The following LRRC7 variants were observed in gnomAD, a reference collection of about 807,000 sequenced individuals.
LRRC7 encodes the protein leucine rich repeat containing 7.
LRRC7 carries 23 observed loss-of-function variants against 175.7 expected under a neutral mutation model. That is an observed-to-expected ratio of 0.13 (90% confidence interval 0.09 to 0.19). The LOEUF (loss-of-function observed/expected upper bound fraction) is 0.19. Among genes scored for constraint, LRRC7 ranks in the 10% least tolerant of loss-of-function variants. LRRC7 has a pLI of 1.00. For missense variants in LRRC7, 1,354 were observed against 1,904.7 expected (o/e 0.71, Z 5.38); for synonymous variants, 685 against 680.9 (o/e 1.01, Z -0.09).
At chr1:69,728,280 G>T (rs919721293) in intron 2 of LRRC7, among the ~76,000 whole-genome samples, 2 of 152,086 alleles carry the variant, frequency 1.3e-5, no homozygotes, top group Non-Finnish European at 2.9e-5. Flanking sequence ...TCTTTACTTA[G>T]ATCTAACTAG....
chr1:70,027,972 G>A (rs914733180), intron 17 of LRRC7, among the ~76,000 whole-genome samples, 199 bp from the exon 18 acceptor site: 1 of 152,056 alleles, frequency 6.6e-6, no homozygotes, highest in Non-Finnish European at 1.5e-5. Context: ...TTATAATCTA[G>A]AAGGGTGGGA....
Position 69,860,268 on chromosome 1 carries a change from A to T in LRRC7, c.647+21985A>T, listed in dbSNP as rs1386878081. Among the ~76,000 whole-genome samples the T allele has an allele frequency of 2.6e-5, 4 of 151,820 alleles. No individual in the cohort carries two copies. In the East Asian group the frequency reaches 7.7e-4, roughly 29 times the overall value. ...GAATCTCTTCACCTCATCATTTCTC[A>T]GTGCTTTATACCTGCCAGATACTAA... On this transcript the variant is annotated intron_variant, in intron 7 of 26. Transcript: ENST00000651989.
At chr1:69,836,211 A>G (rs184941376) in intron 6 of LRRC7, among the ~76,000 whole-genome samples, 21 of 152,082 alleles carry the variant, frequency 1.4e-4, no homozygotes, top group African/African-American at 4.8e-4. Flanking sequence ...GAGCACATCA[A>G]CCTTTCCCAG....
chr1:69,813,081 A>T (rs6697066), intron 4 of LRRC7, among the ~76,000 whole-genome samples: 67,279 of 151,786 alleles, frequency 0.44, 15,674 homozygotes, highest in African/African-American at 0.57. Flanking sequence ...CTATCTTCAA[A>T]CATCTTTTAC....
intron 9 of LRRC7, 37 bp downstream of exon 9, chr1:69,980,490 T>C: frequency 7.0e-7 from 1 of 1,423,802 alleles, no homozygotes. Context: ...TGTTTAATAT[T>C]TGTTATACGT....
intron 2 of LRRC7, among the ~76,000 whole-genome samples, chr1:69,745,338 T>C (rs1464457684): frequency 6.6e-6 from 1 of 152,014 alleles, no homozygotes; most frequent in Non-Finnish European, 1.5e-5. Context: ...ACCTACCATC[T>C]GTTGGCACTG....
intron 2 of LRRC7, among the ~76,000 whole-genome samples, chr1:69,756,123 A>T (rs1670399812): frequency 6.6e-6 from 1 of 151,970 alleles, no homozygotes. Context: ...GATTCAGGGA[A>T]CAACATACAA....
chr1:70,039,241 C>T lies in LRRC7; in HGVS notation c.3417C>T (p.Ala1139=), dbSNP rs1178390964. Residue 1139 remains alanine (A), a synonymous_variant, in exon 21 of 27, where the codon GCC becomes GCT. Transcript: ENST00000651989. ...TGAATGAGGATGCTGTGGTGAATGC[C>T]CAGTTCGCAAGCCAAGGGGCCAGGG... ...PSVNEDAVVN[A]QFASQGARAG... The T allele has an allele frequency of 2.3e-5, 37 of 1,613,416 alleles. No individual in the cohort carries two copies. The highest frequency in any genetic ancestry group is 3.1e-5 in the Non-Finnish European group (36 of 1,179,944).
intron 23 of LRRC7, among the ~76,000 whole-genome samples, chr1:70,071,221 T>C (rs1167092304): frequency 6.6e-6 from 1 of 152,168 alleles, no homozygotes; most frequent in Non-Finnish European, 1.5e-5. Context: ...CATTTTCAGA[T>C]TGTCTGCTTC....
chr1:69,952,970 A>G (rs1304045444), intron 8 of LRRC7, among the ~76,000 whole-genome samples: 1 of 149,748 alleles, frequency 6.7e-6, no homozygotes, highest in Non-Finnish European at 1.5e-5. Flanking sequence ...TGCCTTCAGG[A>G]AAAGTATGTT....
At chr1:69,697,964 G>T (rs1259033707) in intron 2 of LRRC7, among the ~76,000 whole-genome samples, 1 of 152,164 alleles carries the variant, frequency 6.6e-6, no homozygotes, top group Non-Finnish European at 1.5e-5. Context: ...GAAAGATAGG[G>T]GAAGTGTCTG....
Position 69,819,577 on chromosome 1 carries a change from C to CTGTGTGTGTG in LRRC7, c.422-6141_422-6132dup, listed in dbSNP as rs71071379. 8.3e-3 allele frequency among the ~76,000 whole-genome samples: 952 copies of CTGTGTGTGTG among 114,900 alleles called. 7 individuals are homozygous for CTGTGTGTGTG. Among genetic ancestry groups the CTGTGTGTGTG allele is most frequent in the African/African-American group, 0.013 (406 of 32,014 alleles). The allele number at this position is 114,900 out of a possible 152,430, so 75.4% of individuals were successfully genotyped here. A position where few individuals can be genotyped will look rare whatever the true frequency, so the allele number is the denominator to read the frequency against. On this transcript the variant is annotated intron_variant, in intron 4 of 26. Coordinates refer to ENST00000651989, the MANE Select transcript of LRRC7 (RefSeq NM_001370785.2). ...ATGCTCTCTCTCTCTCTCTCTCTCT[C>CTGTGTGTGTG]TGTGTGTGTGTGTGTGTGTGTGTGT...
chr1:69,627,031 C>T (rs535450517), intron 1 of LRRC7, among the ~76,000 whole-genome samples: 6 of 152,196 alleles, frequency 3.9e-5, no homozygotes, highest in Admixed American at 1.3e-4. Context: ...CCACAATAAA[C>T]ATACATGTGC....
chr1:69,995,763 A>G (rs1570949839), intron 11 of LRRC7, among the ~76,000 whole-genome samples: 1 of 152,038 alleles, frequency 6.6e-6, no homozygotes, highest in African/African-American at 2.4e-5. Context: ...ATAGTATTCC[A>G]TGGTGTATAT....
At chr1:69,806,836 G>A (rs1287419306) in intron 4 of LRRC7, among the ~76,000 whole-genome samples, 2 of 151,890 alleles carry the variant, frequency 1.3e-5, no homozygotes, top group Non-Finnish European at 2.9e-5. Flanking sequence ...CCTGGTGTCA[G>A]CTTTGTCATT....
intron 11 of LRRC7, among the ~76,000 whole-genome samples, chr1:69,996,883 C>T (rs899223224): frequency 6.6e-6 from 1 of 152,052 alleles, no homozygotes; most frequent in Non-Finnish European, 1.5e-5. Flanking sequence ...GCAATGCGGG[C>T]TCTTTTTTGG....
intron 7 of LRRC7, among the ~76,000 whole-genome samples, chr1:69,866,345 C>T (rs1557828948): frequency 6.6e-6 from 1 of 152,090 alleles, no homozygotes; most frequent in Non-Finnish European, 1.5e-5. Flanking sequence ...TGGAAGAGGA[C>T]TAGGGTCTGC....
At chr1:69,975,398 C>T (rs574613101) in intron 8 of LRRC7, among the ~76,000 whole-genome samples, 2 of 152,308 alleles carry the variant, frequency 1.3e-5, no homozygotes, top group African/African-American at 4.8e-5. Flanking sequence ...TCTTGAATCT[C>T]TAAATTCTAC....
chr1:69,782,363 A>G (rs1461279754), intron 3 of LRRC7, among the ~76,000 whole-genome samples: 1 of 152,252 alleles, frequency 6.6e-6, no homozygotes, highest in Non-Finnish European at 1.5e-5. Flanking sequence ...CCATGTTTCA[A>G]TAGGTATAAC....
Sources: allele counts gnomAD v4.1 joint callset (sites outside exome capture counted in the v4.1 genomes callset), GRCh38; gene constraint gnomAD v4.1.1; transcripts MANE v1.5; gene names NCBI Gene and HGNC (gene_info 2026-07-23, HGNC 2026-07-21).